Variants in EBAG9 observed in about 807,000 individuals in gnomAD.
The protein encoded by EBAG9 is receptor-binding cancer antigen expressed on SiSo cells.
Under a neutral mutation model 30.9 loss-of-function variants are expected in EBAG9, and 16 were observed. That is an observed-to-expected ratio of 0.52 (90% CI 0.35 to 0.79). The LOEUF (loss-of-function observed/expected upper bound fraction) is 0.79. Ranked by LOEUF, EBAG9 falls within the 30% of genes least tolerant of loss-of-function variation. The probability of loss-of-function intolerance (pLI) is 0.01; values close to 1 mark genes in which losing one functional copy is unlikely to be tolerated. For synonymous variants in EBAG9, 93 were observed against 82.8 expected (o/e 1.12, Z -0.67); for missense variants, 197 against 242.1 (o/e 0.81, Z 1.24).
Position 109,564,431 on chromosome 8 carries a change from C to A in EBAG9, c.522-8C>A. 4.3e-6 allele frequency: 7 copies of A among 1,610,054 alleles called. No homozygotes were observed. Among genetic ancestry groups the A allele is most frequent in the Non-Finnish European group, 5.9e-6 (7 of 1,178,070 alleles). ...ATTTTCTAAAAGTAAAAGTATGTTT[C>A]TTTTCAGACAGCAGAAACTAGCAGA... On this transcript the variant is annotated splice_polypyrimidine_tract_variant and splice_region_variant and intron_variant, in intron 6 of 6. Transcript: ENST00000337573.
intron 1 of EBAG9, among the ~76,000 whole-genome samples, chr8:109,546,419 G>GT (rs1425600384): frequency 5.3e-5 from 8 of 152,130 alleles, no homozygotes; most frequent in Non-Finnish European, 1.2e-4. Flanking sequence ...ACCTCCAAAA[G>GT]TTTCGTCATG....
rs181655718 is a variant in EBAG9, at chr8:109,564,507, C to T, written c.590C>T (p.Ala197Val). Residue 197 changes from alanine (A) to valine (V), a missense_variant, in exon 7 of 7, where the codon GCA becomes GTA. Coordinates refer to ENST00000337573, the MANE Select transcript of EBAG9 (RefSeq NM_004215.5). ...EQQRKKMEKE[A>V]QRLMKKEQNK... is the part of the protein sequence containing the mutation. ...CAAAGGAAGAAAATGGAAAAGGAAG[C>T]ACAACGGCTAATGAAGAAGGAACAA... 4.3e-4 allele frequency: 696 copies of T among 1,612,614 alleles called. 5 individuals carry two copies. Among genetic ancestry groups the T allele is most frequent in the Non-Finnish European group, 2.9e-5 (34 of 1,179,006 alleles).
chr8:109,551,337 A>T (rs1000492902), intron 2 of EBAG9, among the ~76,000 whole-genome samples: 30 of 152,042 alleles, frequency 2.0e-4, no homozygotes, highest in Non-Finnish European at 2.9e-4. Flanking sequence ...AAAAAAAAAA[A>T]ATTTTTTTTT....
At chr8:109,547,337 C>T (rs996213644) in intron 1 of EBAG9, among the ~76,000 whole-genome samples, 8 of 152,162 alleles carry the variant, frequency 5.3e-5, no homozygotes, top group Non-Finnish European at 8.8e-5. Context: ...TCCAAATCCT[C>T]ACCAGTACTT....
At position 109,551,008 on chromosome 8, in the gene EBAG9, C is replaced by T. The variant is rs1821482746; in HGVS notation, c.83+101C>T. ...GTGGACAGGACAGGTTATATTTAAG[C>T]TGAATATCTTGATTGCAGTATTTAT... On this transcript the variant is annotated intron_variant, in intron 2 of 6. Transcript: ENST00000337573. 1.1e-5 allele frequency: 8 copies of T among 699,322 alleles called. No individual in the cohort carries two copies. In the South Asian group the frequency reaches 1.4e-4, roughly 12 times the overall value. The allele number at this position is 699,322 out of a possible 1,614,324, so 43.3% of individuals were successfully genotyped here.
In EBAG9 at chr8:109,564,877, G is replaced by A. The variant is rs929194518; in HGVS notation, c.*318G>A. 1.7e-5 allele frequency: 3 copies of A among 175,536 alleles called. No individual in the cohort carries two copies. The highest frequency in any genetic ancestry group is 2.4e-5 in the Non-Finnish European group (2 of 83,538). The allele number at this position is 175,536 out of a possible 1,614,324, so 10.9% of individuals were successfully genotyped here. On this transcript the variant is annotated 3_prime_UTR_variant, in exon 7 of 7. Transcript: ENST00000337573. ...AGTGTTTCTAGCTAAATAAATGGGT[G>A]TATATAATTTTATGGTGGAAAAGAA...
chr8:109,544,264 A>G (rs1021928036), intron 1 of EBAG9, among the ~76,000 whole-genome samples: 2 of 152,222 alleles, frequency 1.3e-5, no homozygotes, highest in African/African-American at 4.8e-5. Flanking sequence ...AAGTATGTGT[A>G]GAACTGAAGT....
chr8:109,558,364 C>T (rs1051916052), intron 5 of EBAG9, among the ~76,000 whole-genome samples: 5 of 151,958 alleles, frequency 3.3e-5, no homozygotes, highest in Admixed American at 6.6e-5. Flanking sequence ...TTTGATAATT[C>T]CTATGCAGTT....
intron 6 of EBAG9, among the ~76,000 whole-genome samples, chr8:109,561,641 T>A (rs550570176): frequency 3.0e-4 from 45 of 152,134 alleles, no homozygotes; most frequent in African/African-American, 1.1e-3. Context: ...ATACATTTTT[T>A]AAATTGTGTA....
At chr8:109,555,191 TTC>T (rs1290044935) in intron 4 of EBAG9, among the ~76,000 whole-genome samples, 1 of 151,948 alleles carries the variant, frequency 6.6e-6, no homozygotes, top group Non-Finnish European at 1.5e-5. Flanking sequence ...TGTCCATGTG[TTC>T]TCATTGTTCA....
chr8:109,560,760 A>T, intron 5 of EBAG9, 78 bp from the exon 6 acceptor site: 1 of 1,007,962 alleles, frequency 9.9e-7, no homozygotes, highest in Non-Finnish European at 1.5e-6. Context: ...GTTATGTGTT[A>T]AAAGATACTC....
intron 1 of EBAG9, among the ~76,000 whole-genome samples, chr8:109,545,488 C>T (rs1821366470): frequency 6.6e-6 from 1 of 150,652 alleles, no homozygotes; most frequent in African/African-American, 2.4e-5. Flanking sequence ...CCTCAGCCTC[C>T]TGAGTAGCTG....
At chr8:109,557,652 G>A (rs1821628048) in intron 5 of EBAG9, 1 of 455,632 alleles carries the variant, frequency 2.2e-6, no homozygotes. Context: ...AAATATTAAT[G>A]TAACACAGTT....
intron 3 of EBAG9, 138 bp downstream of exon 3, chr8:109,554,081 C>A: frequency 1.8e-6 from 1 of 570,520 alleles, no homozygotes. Flanking sequence ...TTTATCTGGT[C>A]TGAAAATTCT....
intron 5 of EBAG9, among the ~76,000 whole-genome samples, chr8:109,560,228 T>C (rs935372521): frequency 6.6e-6 from 1 of 152,168 alleles, no homozygotes; most frequent in Non-Finnish European, 1.5e-5. Flanking sequence ...GACCAGTAGA[T>C]GATACCAGGT....
rs1821561375 is a variant in EBAG9, at chr8:109,554,725, T to G, written c.163-4T>G. 2 of 1,611,798 alleles carry G rather than the reference T, an allele frequency of 1.2e-6. No homozygotes were observed. The highest frequency in any genetic ancestry group is 4.5e-5 in the East Asian group (2 of 44,836). Reference sequence around the variant, plus strand: ...GGCTGATAATGTTGATCAATTAAATTTAGACAGATGTTGAAGAGTGGACTT... The same window carrying G: ...GGCTGATAATGTTGATCAATTAAATGTAGACAGATGTTGAAGAGTGGACTT... On this transcript the variant is annotated splice_region_variant and splice_polypyrimidine_tract_variant and intron_variant, in intron 3 of 6. Coordinates refer to ENST00000337573, the MANE Select transcript of EBAG9 (RefSeq NM_004215.5).
intron 5 of EBAG9, among the ~76,000 whole-genome samples, chr8:109,558,594 A>G (rs1488341537): frequency 6.6e-6 from 1 of 152,076 alleles, no homozygotes; most frequent in African/African-American, 2.4e-5. Context: ...ATATACAACT[A>G]CTTACAGAGT....
At chr8:109,543,799 G>T (rs12548910) in intron 1 of EBAG9, among the ~76,000 whole-genome samples, 1,972 of 152,154 alleles carry the variant, frequency 0.013, 44 homozygotes, top group African/African-American at 0.045. Flanking sequence ...GGGAGGCTGA[G>T]GCAGGCAGAT....
intron 5 of EBAG9, among the ~76,000 whole-genome samples, chr8:109,559,786 C>T (rs1361734620): frequency 1.3e-5 from 2 of 151,744 alleles, no homozygotes; most frequent in Non-Finnish European, 2.9e-5. Flanking sequence ...TGCACTCCAG[C>T]CTGGGCAACA....
Sources: allele counts gnomAD v4.1 joint callset (sites outside exome capture counted in the v4.1 genomes callset), GRCh38; gene constraint gnomAD v4.1.1; transcripts MANE v1.5; gene names NCBI Gene and HGNC (gene_info 2026-07-23, HGNC 2026-07-21).